The following HNRNPM variants were observed in gnomAD, a reference collection of about 807,000 sequenced individuals.
HNRNPM encodes the protein CEA receptor.
A neutral mutation model predicts 73.1 loss-of-function variants in HNRNPM; 11 were observed. The observed-to-expected ratio is 0.15, with a 90% confidence interval of 0.09 to 0.25. HNRNPM has a LOEUF of 0.25. HNRNPM is among the 10% of genes least tolerant of loss of function. The pLI is 1.00. For missense variants in HNRNPM, 789 were observed against 1,067.9 expected, an observed-to-expected ratio of 0.74 and a Z score of 3.64; for synonymous variants, 407 against 355.2, an observed-to-expected ratio of 1.15 and a Z score of -1.64.
chr19:8,471,327 TG>T lies in HNRNPM; in HGVS notation c.899del (p.Gly300AlafsTer9). ...PPERPQQLPH[G>X]LGGIGMGLGP... ...AGCTTCTTTCTCTTTTCTTTCCAGA[TG>T]GCCTTGGTGGTATTGGCATGGGGTT... On this transcript the variant is annotated frameshift_variant and splice_region_variant, in exon 10 of 16. Transcript: ENST00000325495. LOFTEE classifies it high-confidence loss of function. 1 of 1,555,624 alleles carries T rather than the reference TG, an allele frequency of 6.4e-7. No homozygotes were observed. The highest frequency in any genetic ancestry group is 8.7e-7 in the Non-Finnish European group (1 of 1,149,728).
chr19:8,466,988 T>C (rs544964719), intron 7 of HNRNPM, among the ~76,000 whole-genome samples: 1 of 152,278 alleles, frequency 6.6e-6, no homozygotes, highest in Non-Finnish European at 1.5e-5. Flanking sequence ...CCAAAGAATG[T>C]GCTACTAGAG....
At chr19:8,454,936 C>T (rs561487112) in intron 1 of HNRNPM, among the ~76,000 whole-genome samples, 1 of 152,146 alleles carries the variant, frequency 6.6e-6, no homozygotes, top group Admixed American at 6.5e-5. Flanking sequence ...CCTGTGGAGC[C>T]TTGAGTTTGA....
At position 8,463,781 on chromosome 19, in the gene HNRNPM, T is replaced by G; in HGVS notation, c.438+95T>G. On this transcript the variant is annotated intron_variant, in intron 5 of 15. Coordinates refer to ENST00000325495, the MANE Select transcript of HNRNPM (RefSeq NM_005968.5). ...AGACGGTCATGGTCCCAGACGGCAT[T>G]TACAAAGCAAGTGCCAGCCTGTTGT... 6 of 819,900 alleles carry G rather than the reference T, an allele frequency of 7.3e-6. No individual in the cohort carries two copies. In the South Asian group the frequency reaches 9.4e-5, roughly 13 times the overall value. 50.8% of individuals were successfully genotyped at this position (819,900 alleles called of 1,614,324 possible). A position where few individuals can be genotyped will look rare whatever the true frequency, so the allele number is the denominator to read the frequency against.
chr19:8,476,318 A>G (rs915166213), intron 12 of HNRNPM, among the ~76,000 whole-genome samples: 7 of 152,192 alleles, frequency 4.6e-5, no homozygotes, highest in Non-Finnish European at 1.0e-4. Flanking sequence ...AGGAAACTGT[A>G]CATCACACTG....
In HNRNPM at chr19:8,488,878, A is replaced by G. The variant is rs1444391074; in HGVS notation, c.*24A>G. 6.3e-7 allele frequency: 1 copy of G among 1,576,234 alleles called. No homozygotes were observed. The highest frequency in any genetic ancestry group is 8.7e-7 in the Non-Finnish European group (1 of 1,152,930). ...AAGCAGTTGCCTTTTTTAAACATCG[A>G]TACGAGACCTCTGAATTTGTATTTT... On this transcript the variant is annotated 3_prime_UTR_variant, in exon 16 of 16. Transcript: ENST00000325495.
chr19:8,465,417 A>G lies in HNRNPM; in HGVS notation c.532A>G (p.Thr178Ala). The G allele has an allele frequency of 6.2e-7, 1 of 1,613,858 alleles. No individual in the cohort carries two copies. Among genetic ancestry groups the G allele is most frequent in the Non-Finnish European group, 8.5e-7 (1 of 1,179,700 alleles). ...GMGPGGPGMI[T>A]IPPSILNNPN... Reference sequence around the variant, plus strand: ...GGGACCAGGTGGCCCAGGAATGATTACTATCCCACCCAGTATCCTAAATAA... The same window carrying G: ...GGGACCAGGTGGCCCAGGAATGATTGCTATCCCACCCAGTATCCTAAATAA... Residue 178 changes from threonine (T) to alanine (A), a missense_variant, in exon 6 of 16, where the codon ACT becomes GCT. Thr to Ala is a moderately conservative substitution (Grantham distance 58). Transcript: ENST00000325495.
At chr19:8,460,084 C>T (rs1235957299) in intron 2 of HNRNPM, among the ~76,000 whole-genome samples, 2 of 152,120 alleles carry the variant, frequency 1.3e-5, no homozygotes, top group Non-Finnish European at 2.9e-5. Context: ...GCCAAGCTGT[C>T]ACCTCTACCC....
chr19:8,485,544 T>C, intron 13 of HNRNPM, 59 bp from the exon 14 acceptor site: 1 of 1,515,892 alleles, frequency 6.6e-7, no homozygotes, highest in Non-Finnish European at 9.0e-7. Context: ...GTCTGGCGTG[T>C]TGTGCACACG....
chr19:8,473,586 G>T (rs906911743), intron 10 of HNRNPM, 78 bp from the exon 11 acceptor site: 20 of 862,654 alleles, frequency 2.3e-5, no homozygotes, highest in East Asian at 1.5e-4. Context: ...TTGCTGGTTT[G>T]GAATTATGCT....
At chr19:8,481,912 A>AT (rs1268450877) in intron 12 of HNRNPM, among the ~76,000 whole-genome samples, 1 of 150,880 alleles carries the variant, frequency 6.6e-6, no homozygotes, top group Non-Finnish European at 1.5e-5. Context: ...TAGTTGGGAT[A>AT]TAAGAAGCAG....
At chr19:8,471,277 A>C in intron 9 of HNRNPM, 49 bp from the exon 10 acceptor site, 2 of 1,191,734 alleles carry the variant, frequency 1.7e-6, no homozygotes, top group Non-Finnish European at 2.4e-6. Context: ...TTGAGGGTCA[A>C]GGTTTGCTAA....
intron 6 of HNRNPM, 149 bp downstream of exon 6, chr19:8,465,664 G>A: frequency 4.6e-6 from 3 of 654,878 alleles, no homozygotes; most frequent in Non-Finnish European, 7.6e-6. Context: ...AGCCTTATAG[G>A]CGGGCTTTGT....
In HNRNPM at chr19:8,486,297, C is replaced by G; in HGVS notation, c.1869C>G (p.Ile623Met). The change falls in exon 14 of 16, where the codon ATC becomes ATG. Residue 623 changes from isoleucine to methionine, a missense_variant. Around this residue, in one of 4 missense-constraint regions of HNRNPM, gnomAD observed 604 missense variants for 744.0 expected, o/e 0.81. Coordinates refer to ENST00000325495, the MANE Select transcript of HNRNPM (RefSeq NM_005968.5). ...GCGGTGCCAGCTTTGACCGTGCCAT[C>G]GAGATGGAGCGTGGCAACTTCGGAG... ...GGGGASFDRA[I>M]EMERGNFGGS... 4 of 1,600,570 alleles carry G rather than the reference C, an allele frequency of 2.5e-6. No homozygotes were observed. The highest frequency in any genetic ancestry group is 4.5e-5 in the East Asian group (2 of 44,876).
At chr19:8,474,822 C>A (rs1279812917) in intron 12 of HNRNPM, among the ~76,000 whole-genome samples, 1 of 150,972 alleles carries the variant, frequency 6.6e-6, no homozygotes, top group Non-Finnish European at 1.5e-5. Flanking sequence ...TCAAGTGATT[C>A]TCCTGCCCCA....
At chr19:8,481,232 T>G (rs971887590) in intron 12 of HNRNPM, among the ~76,000 whole-genome samples, 4 of 152,194 alleles carry the variant, frequency 2.6e-5, no homozygotes, top group African/African-American at 9.7e-5. Flanking sequence ...GCTGAGGCGA[T>G]ACTAAGGGTG....
At chr19:8,445,597 G>A (rs1239587802) in intron 1 of HNRNPM, 1 of 152,724 alleles carries the variant, frequency 6.5e-6, no homozygotes, top group Non-Finnish European at 1.5e-5. Context: ...CGGTAACCGA[G>A]CGAGGGAAGC....
chr19:8,458,137 C>T lies in HNRNPM; in HGVS notation c.283+2563C>T, dbSNP rs750388537. On this transcript the variant is annotated intron_variant, in intron 2 of 15. Transcript: ENST00000325495. ...GGGAGCTTTTTTTCTAAGGATACTC[C>T]GGGGGGAGATTGTCTCACATGCTCC... Among the ~76,000 whole-genome samples, 55 of 152,162 alleles carry T rather than the reference C, an allele frequency of 3.6e-4. No homozygotes were observed. The Middle Eastern group carries it at 0.014, about 38-fold the overall frequency.
At position 8,455,531 on chromosome 19, in the gene HNRNPM, T is replaced by C. The variant is rs907531080; in HGVS notation, c.240T>C (p.Phe80=). 4.3e-6 allele frequency: 7 copies of C among 1,614,016 alleles called. No individual in the cohort carries two copies. The highest frequency in any genetic ancestry group is 5.9e-6 in the Non-Finnish European group (7 of 1,179,924). ...RYRAFITNIP[F]DVKWQSLKDL... ...GAGCCTTCATTACAAACATACCTTT[T>C]GATGTGAAATGGCAGTCACTTAAAG... Residue 80 remains phenylalanine (F), a synonymous_variant, in exon 2 of 16, where the codon TTT becomes TTC. Transcript: ENST00000325495.
chr19:8,455,980 G>C (rs1968994680), intron 2 of HNRNPM, among the ~76,000 whole-genome samples: 2 of 144,292 alleles, frequency 1.4e-5, no homozygotes, highest in South Asian at 4.4e-4. Flanking sequence ...AAGTTTCACA[G>C]GAAGATAGCT....
Sources: gnomAD v4.1 joint callset for allele counts (sites outside exome capture counted in the v4.1 genomes callset) on GRCh38, gnomAD v4.1.1 for gene constraint, gnomAD v4.1.1 regional missense constraint, MANE v1.5 for transcripts, NCBI Gene and HGNC (gene_info 2026-07-23, HGNC 2026-07-21) for gene names.